Variants in GAS7 observed in about 807,000 individuals in gnomAD.
The protein encoded by GAS7 is growth arrest specific 7.
Under a neutral mutation model 71.1 loss-of-function variants are expected in GAS7, and 28 were observed. That is an observed-to-expected ratio of 0.39 (90% CI 0.29 to 0.54). The LOEUF is 0.54. Among genes scored for constraint, GAS7 ranks in the 20% least tolerant of loss-of-function variants. The pLI, the probability that GAS7 is intolerant of heterozygous loss-of-function variation, is 0.62. For missense variants in GAS7, 436 were observed against 627.8 expected (o/e 0.69, Z 3.27); for synonymous variants, 258 against 245.8 (o/e 1.05, Z -0.46).
chr17:10,120,142 C>T (rs1417762641), intron 1 of GAS7, among the ~76,000 whole-genome samples: 2 of 151,374 alleles, frequency 1.3e-5, no homozygotes, highest in African/African-American at 2.4e-5. Context: ...GCTCTGGACC[C>T]GCCCATCTCT....
chr17:9,966,494 A>T (rs191902071), intron 4 of GAS7, among the ~76,000 whole-genome samples: 31 of 152,202 alleles, frequency 2.0e-4, no homozygotes, highest in African/African-American at 7.0e-4. Context: ...TTATTCATTT[A>T]TTGATGTTTA....
In GAS7 at chr17:9,939,181, G is replaced by T. The variant is rs1311167814; in HGVS notation, c.806+945C>A. ...TAGGAATGGAATTGCTGGGTCACAT[G>T]GTAATTCTATGTTTAGCTTTTTGAG... is the stretch of plus-strand genomic sequence containing the variant. On this transcript the variant is annotated intron_variant, in intron 8 of 13. Transcript: ENST00000432992. Among the ~76,000 whole-genome samples, 5 of 152,158 alleles carry T rather than the reference G, an allele frequency of 3.3e-5. 1 individual carries two copies. Among genetic ancestry groups the T allele is most frequent in the Admixed American group, 1.3e-4 (2 of 15,278 alleles).
At chr17:10,173,345 C>CT (rs1395214913) in intron 1 of GAS7, among the ~76,000 whole-genome samples, 1 of 151,812 alleles carries the variant, frequency 6.6e-6, no homozygotes, top group Non-Finnish European at 1.5e-5. Context: ...TTTAACACAA[C>CT]TTTTTTTAAA....
chr17:9,972,574 A>T (rs1299747673), intron 3 of GAS7, among the ~76,000 whole-genome samples: 2 of 152,232 alleles, frequency 1.3e-5, no homozygotes, highest in Admixed American at 1.3e-4. Flanking sequence ...TAGATGTAGT[A>T]AACATCATAT....
At chr17:10,050,548 A>G (rs1893892030) in intron 1 of GAS7, among the ~76,000 whole-genome samples, 1 of 152,166 alleles carries the variant, frequency 6.6e-6, no homozygotes, top group African/African-American at 2.4e-5. Flanking sequence ...GCACATGGTC[A>G]GATGGCACAG....
At chr17:10,083,938 G>T (rs2073486132) in intron 1 of GAS7, among the ~76,000 whole-genome samples, 1 of 152,196 alleles carries the variant, frequency 6.6e-6, no homozygotes. Flanking sequence ...TTCTCAGTCT[G>T]GTCCAAGGAT....
chr17:10,155,236 G>A (rs1188445091), intron 1 of GAS7, among the ~76,000 whole-genome samples: 2 of 151,930 alleles, frequency 1.3e-5, no homozygotes, highest in Non-Finnish European at 2.9e-5. Flanking sequence ...GGCTGGTCTC[G>A]AACTCCTGAC....
Position 9,960,166 on chromosome 17 carries a change from C to T in GAS7, c.472-911G>A, listed in dbSNP as rs568020195. On this transcript the variant is annotated intron_variant, in intron 4 of 13. Transcript: ENST00000432992. The stretch of plus-strand genomic sequence containing the variant: ...ACCGCAGGTGGCCATCACACTTGTG[C>T]CCCAGGACTTGTGCATGACCTTATT... Among the ~76,000 whole-genome samples, 297 of 152,158 alleles carry T rather than the reference C, an allele frequency of 2.0e-3. 1 individual carries two copies. Among genetic ancestry groups the T allele is most frequent in the African/African-American group, 6.8e-3 (284 of 41,516 alleles).
chr17:10,018,788 G>A (rs2072143742), intron 2 of GAS7, among the ~76,000 whole-genome samples: 1 of 152,180 alleles, frequency 6.6e-6, no homozygotes, highest in African/African-American at 2.4e-5. Flanking sequence ...CAGGTGGGAA[G>A]GGGTGGTCAT....
chr17:10,180,508 A>G (rs984538254), intron 1 of GAS7, among the ~76,000 whole-genome samples: 4 of 152,138 alleles, frequency 2.6e-5, no homozygotes, highest in Non-Finnish European at 5.9e-5. Flanking sequence ...CCCCCATCCA[A>G]GGAGTCACCC....
intron 1 of GAS7, among the ~76,000 whole-genome samples, chr17:10,188,086 T>C (rs371643502): frequency 3.3e-5 from 5 of 152,088 alleles, no homozygotes; most frequent in East Asian, 1.9e-4. Context: ...CCACTAAAAA[T>C]GGAAAAATTA....
chr17:10,074,705 C>T (rs932880143), intron 1 of GAS7, among the ~76,000 whole-genome samples: 4 of 152,132 alleles, frequency 2.6e-5, no homozygotes, highest in Admixed American at 1.3e-4. Context: ...GATAAGTTTT[C>T]TCAAATCGTT....
intron 1 of GAS7, among the ~76,000 whole-genome samples, chr17:10,181,165 T>C (rs923320398): frequency 6.6e-6 from 1 of 151,216 alleles, no homozygotes. Flanking sequence ...ATCGAGACCA[T>C]CCTGGCTAAC....
chr17:9,917,197 A>G lies in GAS7; in HGVS notation c.*31T>C. ...TGGTGGGAGCCCAGCCCCCCTCCCC[A>G]GCAGGACCCCCCGAAGCTGCACAGG... On this transcript the variant is annotated 3_prime_UTR_variant, in exon 14 of 14. Coordinates refer to ENST00000432992, the MANE Select transcript of GAS7 (RefSeq NM_201433.2). 1.1e-6 allele frequency: 1 copy of G among 900,822 alleles called. No individual in the cohort carries two copies. The highest frequency in any genetic ancestry group is 1.9e-6 in the Non-Finnish European group (1 of 537,780). The allele number at this position is 900,822 out of a possible 1,614,324, so 55.8% of individuals were successfully genotyped here. A position where few individuals can be genotyped will look rare whatever the true frequency, so the allele number is the denominator to read the frequency against.
At chr17:10,002,321 GTGTC>G (rs1161207359) in intron 2 of GAS7, among the ~76,000 whole-genome samples, 1 of 152,034 alleles carries the variant, frequency 6.6e-6, no homozygotes, top group Non-Finnish European at 1.5e-5. Flanking sequence ...CCCTCCATGA[GTGTC>G]TGTCTCTGAG....
At chr17:10,165,281 G>C (rs1207946993) in intron 1 of GAS7, among the ~76,000 whole-genome samples, 2 of 116,352 alleles carry the variant, frequency 1.7e-5, no homozygotes, top group African/African-American at 7.0e-5. Context: ...GACAGAGCGA[G>C]ATTCCTTCTC....
chr17:10,053,404 T>C (rs1448890615), intron 1 of GAS7, among the ~76,000 whole-genome samples: 1 of 152,180 alleles, frequency 6.6e-6, no homozygotes, highest in Non-Finnish European at 1.5e-5. Flanking sequence ...GAGTTACCAA[T>C]GCTAGATCTG....
chr17:9,968,352 G>A (rs565516148), intron 4 of GAS7, among the ~76,000 whole-genome samples: 21 of 152,212 alleles, frequency 1.4e-4, no homozygotes, highest in African/African-American at 4.3e-4. Context: ...GCGTCACCTC[G>A]GAGCTGGCTG....
At chr17:10,025,679 G>A (rs906884718) in intron 1 of GAS7, among the ~76,000 whole-genome samples, 38 of 151,786 alleles carry the variant, frequency 2.5e-4, no homozygotes, top group African/African-American at 9.2e-4. Flanking sequence ...TATGGTCACC[G>A]TGGGCCACCC....
Sources: gnomAD v4.1 joint callset for allele counts (sites outside exome capture counted in the v4.1 genomes callset) on GRCh38, gnomAD v4.1.1 for gene constraint, MANE v1.5 for transcripts, NCBI Gene and HGNC (gene_info 2026-07-23, HGNC 2026-07-21) for gene names.